Variants in STON2 observed in about 807,000 individuals in gnomAD.
STON2 encodes the protein stonin-2.
A neutral mutation model predicts 65.7 loss-of-function variants in STON2; 29 were observed. The ratio of observed to expected loss-of-function variants is 0.44; its 90% CI spans 0.33 to 0.60. The LOEUF is 0.60. Ranked by LOEUF, STON2 falls within the 20% of genes least tolerant of loss-of-function variation. STON2 has a pLI of 0.03. For missense variants in STON2, 1,054 were observed against 1,118.1 expected (o/e 0.94, Z 0.82); for synonymous variants, 404 against 414.2 (o/e 0.98, Z 0.30).
intron 6 of STON2, among the ~76,000 whole-genome samples, chr14:81,272,737 T>A (rs148380239): frequency 1.7e-4 from 26 of 152,382 alleles, no homozygotes; most frequent in African/African-American, 6.3e-4. Context: ...GTTTTTAAAT[T>A]GTGTGCCACA....
chr14:81,344,321 T>A (rs72701731), intron 4 of STON2, among the ~76,000 whole-genome samples: 2,830 of 152,312 alleles, frequency 0.019, 48 homozygotes, highest in South Asian at 0.075. Flanking sequence ...GTCCTCTAGA[T>A]AACCACTATT....
intron 4 of STON2, among the ~76,000 whole-genome samples, chr14:81,330,758 G>C (rs1052858705): frequency 6.6e-6 from 1 of 152,094 alleles, no homozygotes; most frequent in Non-Finnish European, 1.5e-5. Context: ...AGCTCCCTCA[G>C]GGCAAAAATT....
At chr14:81,341,122 T>C (rs1377063914) in intron 4 of STON2, among the ~76,000 whole-genome samples, 1 of 152,152 alleles carries the variant, frequency 6.6e-6, no homozygotes, top group Non-Finnish European at 1.5e-5. Flanking sequence ...AAAACAGACG[T>C]TACTTTTCAC....
chr14:81,331,157 A>C (rs899448624), intron 4 of STON2, among the ~76,000 whole-genome samples: 1 of 152,236 alleles, frequency 6.6e-6, no homozygotes, highest in South Asian at 2.1e-4. Context: ...AAGCAATTCA[A>C]GCTTTTCTCT....
At chr14:81,330,631 T>C (rs1350667412) in intron 4 of STON2, among the ~76,000 whole-genome samples, 1 of 152,198 alleles carries the variant, frequency 6.6e-6, no homozygotes, top group Non-Finnish European at 1.5e-5. Flanking sequence ...AGAGAGCCAG[T>C]GTCCACCTCA....
Position 81,262,697 on chromosome 14 carries a change from A to C in STON2, c.*5717T>G, listed in dbSNP as rs1421055226. 1 of 985,434 alleles carries C rather than the reference A, an allele frequency of 1.0e-6. No individual in the cohort carries two copies. Among genetic ancestry groups the C allele is most frequent in the South Asian group, 4.7e-5 (1 of 21,290 alleles). 61.0% of individuals were successfully genotyped at this position (985,434 alleles called of 1,614,324 possible). ...AGGCTTAGAATTGACAAATTGAGAG[A>C]CACATTTTTTTTTCAATTCTCAAAA... On this transcript the variant is annotated 3_prime_UTR_variant, in exon 8 of 8. Coordinates refer to ENST00000614646, the MANE Select transcript of STON2 (RefSeq NM_001394390.1).
chr14:81,403,539 AG>A (rs1209305980), upstream of STON2, among the ~76,000 whole-genome samples: 1 of 152,194 alleles, frequency 6.6e-6, no homozygotes, highest in Non-Finnish European at 1.5e-5. Context: ...AATACATGCA[AG>A]AGTGGCATGC....
At chr14:81,401,169 T>C (rs1490686772), upstream of STON2, among the ~76,000 whole-genome samples, 1 of 152,230 alleles carries the variant, frequency 6.6e-6, no homozygotes, top group Non-Finnish European at 1.5e-5. Flanking sequence ...TCAGTCATTG[T>C]TCAAAATGCT....
chr14:81,379,751 T>A (rs886699214), intron 3 of STON2, among the ~76,000 whole-genome samples: 1 of 152,154 alleles, frequency 6.6e-6, no homozygotes, highest in Admixed American at 6.5e-5. Flanking sequence ...GGGAAAAGAC[T>A]TTCTATTCAA....
intron 1 of STON2, among the ~76,000 whole-genome samples, chr14:81,429,730 T>C (rs1902146484): frequency 6.6e-6 from 1 of 151,970 alleles, no homozygotes; most frequent in Non-Finnish European, 1.5e-5. Context: ...GGTCAGAAGT[T>C]CGAGACCAGC....
intron 2 of STON2, among the ~76,000 whole-genome samples, chr14:81,396,398 C>T (rs1414884849): frequency 6.6e-6 from 1 of 152,182 alleles, no homozygotes; most frequent in Non-Finnish European, 1.5e-5. Flanking sequence ...AGTCAGTATC[C>T]TGGCAGGCAG....
chr14:81,339,997 AC>A lies in STON2; in HGVS notation c.572-15811del, dbSNP rs1463958535. Among the ~76,000 whole-genome samples the A allele has an allele frequency of 2.6e-5, 4 of 152,262 alleles. No homozygotes were observed. In the East Asian group the frequency reaches 7.7e-4, roughly 29 times the overall value. On this transcript the variant is annotated intron_variant, in intron 4 of 7. Coordinates refer to ENST00000614646, the MANE Select transcript of STON2 (RefSeq NM_001394390.1). ...ATGAAACCCCATCTCTACTAAAAATACAAAAAATTAGCCGGGCGTGGTGGCG... is the reference window on the plus strand; with the variant it reads ...ATGAAACCCCATCTCTACTAAAAATAAAAAAATTAGCCGGGCGTGGTGGCG...
At position 81,333,097 on chromosome 14, in the gene STON2, G is replaced by A. The variant is rs1021008451; in HGVS notation, c.572-8910C>T. 27 of 897,550 alleles carry A rather than the reference G, an allele frequency of 3.0e-5. No homozygotes were observed. In the African/African-American group the frequency reaches 3.4e-4, roughly 11 times the overall value. 55.6% of individuals were successfully genotyped at this position (897,550 alleles called of 1,614,324 possible). On this transcript the variant is annotated intron_variant, in intron 4 of 7. Coordinates refer to ENST00000614646, the MANE Select transcript of STON2 (RefSeq NM_001394390.1). ...ACCATGTCTTACAAGTCTATGTTTG[G>A]ATTCATATTTCTTTGCATAATCCAA...
intron 5 of STON2, among the ~76,000 whole-genome samples, chr14:81,282,657 T>C (rs968008696): frequency 2.6e-5 from 4 of 152,208 alleles, no homozygotes; most frequent in Non-Finnish European, 1.5e-5. Flanking sequence ...AAATTCGAAA[T>C]CTGTATTCTT....
intron 4 of STON2, among the ~76,000 whole-genome samples, chr14:81,357,802 A>C (rs527884772): frequency 2.7e-4 from 40 of 149,846 alleles, no homozygotes; most frequent in Non-Finnish European, 5.0e-4. Flanking sequence ...AAAACCAAAC[A>C]CCGCATATTC....
At chr14:81,333,254 C>T (rs545582927) in intron 4 of STON2, 26 of 757,112 alleles carry the variant, frequency 3.4e-5, no homozygotes, top group African/African-American at 1.9e-4. Flanking sequence ...GTCTTAGGTA[C>T]GGTACTGTTG....
chr14:81,407,619 T>C (rs780226915), intron 2 of STON2, among the ~76,000 whole-genome samples: 9 of 152,216 alleles, frequency 5.9e-5, no homozygotes, highest in African/African-American at 9.6e-5. Flanking sequence ...TGTTTGGAGT[T>C]TATGCAGAAA....
chr14:81,338,297 A>G (rs1009927957), intron 4 of STON2, among the ~76,000 whole-genome samples: 1 of 152,176 alleles, frequency 6.6e-6, no homozygotes, highest in African/African-American at 2.4e-5. Context: ...TTGATCACCA[A>G]TCAATGGCCA....
At chr14:81,435,610 A>C (rs150062502) in intron 1 of STON2, among the ~76,000 whole-genome samples, 7 of 152,258 alleles carry the variant, frequency 4.6e-5, no homozygotes, top group Admixed American at 2.0e-4. Flanking sequence ...ACAGTTAATG[A>C]TTCACTCACA....
Sources: gnomAD v4.1 joint callset for allele counts (sites outside exome capture counted in the v4.1 genomes callset) on GRCh38, gnomAD v4.1.1 for gene constraint, MANE v1.5 for transcripts, NCBI Gene and HGNC (gene_info 2026-07-23, HGNC 2026-07-21) for gene names.